HPSE2: variants seen among roughly 807,000 people sequenced by gnomAD.
HPSE2 encodes the protein heparanase 2 (inactive).
A neutral mutation model predicts 60.5 loss-of-function variants in HPSE2; 38 were observed. That is an observed-to-expected ratio of 0.63 (90% CI 0.48 to 0.82). The LOEUF (loss-of-function observed/expected upper bound fraction) is 0.82, where lower values mean the gene tolerates loss of function less well. HPSE2 is among the 40% of genes least tolerant of loss of function. The pLI is 0.00. For synonymous variants in HPSE2, 295 were observed against 293.2 expected (o/e 1.01, Z -0.06); for missense variants, 713 against 740.4 (o/e 0.96, Z 0.43).
intron 3 of HPSE2, among the ~76,000 whole-genome samples, chr10:98,866,949 T>C (rs1952602443): frequency 1.3e-5 from 2 of 151,644 alleles, no homozygotes; most frequent in African/African-American, 2.4e-5. Context: ...TAATATAGAG[T>C]ACTGGAAATG....
chr10:98,889,404 G>A (rs540360764), intron 3 of HPSE2, among the ~76,000 whole-genome samples: 3 of 142,114 alleles, frequency 2.1e-5, no homozygotes, highest in African/African-American at 5.3e-5. Flanking sequence ...ACAGAGTCTT[G>A]CCATTGTTGC....
chr10:99,137,465 G>A (rs1251622312), intron 3 of HPSE2, among the ~76,000 whole-genome samples: 1 of 152,188 alleles, frequency 6.6e-6, no homozygotes, highest in East Asian at 1.9e-4. Flanking sequence ...AACAAAGCTG[G>A]AGGCATCATG....
At chr10:98,900,517 G>T (rs909866201) in intron 3 of HPSE2, among the ~76,000 whole-genome samples, 11 of 152,046 alleles carry the variant, frequency 7.2e-5, no homozygotes, top group African/African-American at 2.4e-4. Context: ...TGTATGATAT[G>T]GATATACAGT....
intron 3 of HPSE2, among the ~76,000 whole-genome samples, chr10:98,776,854 T>C (rs185554546): frequency 9.9e-5 from 15 of 152,240 alleles, no homozygotes; most frequent in African/African-American, 3.4e-4. Context: ...AGTAATAGTA[T>C]TGTGATTATT....
chr10:99,154,525 T>A (rs1380733540), intron 2 of HPSE2, among the ~76,000 whole-genome samples: 3 of 145,746 alleles, frequency 2.1e-5, no homozygotes, highest in Non-Finnish European at 4.5e-5. Context: ...GAAGGAGAAA[T>A]AAAATACTTT....
intron 6 of HPSE2, among the ~76,000 whole-genome samples, chr10:98,661,831 T>G (rs1947231715): frequency 6.6e-6 from 1 of 152,220 alleles, no homozygotes; most frequent in East Asian, 1.9e-4. Context: ...ACTCTTACAC[T>G]ATGCAGCTGT....
chr10:99,170,215 G>C (rs1343538478), intron 2 of HPSE2, among the ~76,000 whole-genome samples: 3 of 152,156 alleles, frequency 2.0e-5, no homozygotes, highest in African/African-American at 4.8e-5. Context: ...CCTCCTGACT[G>C]CTAATGCTCT....
At chr10:98,740,461 C>A (rs902397100) in intron 4 of HPSE2, among the ~76,000 whole-genome samples, 2 of 152,122 alleles carry the variant, frequency 1.3e-5, no homozygotes, top group East Asian at 1.9e-4. Context: ...GTGTGAGCAA[C>A]CATGCCTGGC....
At chr10:98,956,557 C>A (rs1274124451) in intron 3 of HPSE2, among the ~76,000 whole-genome samples, 1 of 152,166 alleles carries the variant, frequency 6.6e-6, no homozygotes, top group Admixed American at 6.6e-5. Flanking sequence ...CTAGTGAATA[C>A]CCTTTCTCCC....
chr10:98,568,539 T>A (rs671247), intron 9 of HPSE2, among the ~76,000 whole-genome samples: 129,228 of 152,116 alleles, frequency 0.85, 56,155 homozygotes, highest in East Asian at 1. Flanking sequence ...GAGCAGTCTC[T>A]AGATTGTCCT....
rs983101070 is a variant in HPSE2 at position 98,626,171 on chromosome 10, C to T, written c.1099-5463G>A. ...AAAACAAGTAAGAAAATTACTTACC[C>T]AATTTTTGGTGAATCAGTGAGTGGC... On this transcript the variant is annotated intron_variant, in intron 7 of 11. Coordinates refer to ENST00000370552, the MANE Select transcript of HPSE2 (RefSeq NM_021828.5). Among the ~76,000 whole-genome samples the T allele has an allele frequency of 4.0e-5, 6 of 151,648 alleles. No individual in the cohort carries two copies. The East Asian group carries it at 5.8e-4, about 15-fold the overall frequency.
intron 4 of HPSE2, among the ~76,000 whole-genome samples, chr10:98,735,830 A>T (rs777475901): frequency 4.6e-5 from 7 of 152,178 alleles, no homozygotes; most frequent in Non-Finnish European, 1.0e-4. Context: ...TTATCTAGGA[A>T]GTAACTAACT....
At chr10:98,616,388 C>A (rs10786449) in intron 8 of HPSE2, among the ~76,000 whole-genome samples, 86,831 of 151,998 alleles carry the variant, frequency 0.57, 28,842 homozygotes, top group South Asian at 0.77. Flanking sequence ...GACTTGAAAT[C>A]TGTCTGGATA....
intron 3 of HPSE2, among the ~76,000 whole-genome samples, chr10:98,943,921 C>T: frequency 6.6e-6 from 1 of 152,124 alleles, no homozygotes; most frequent in East Asian, 1.9e-4. Flanking sequence ...ATTTTTTCCC[C>T]ATAGAAACTG....
chr10:98,476,794 A>T (rs1941041951), intron 11 of HPSE2, among the ~76,000 whole-genome samples: 1 of 152,146 alleles, frequency 6.6e-6, no homozygotes, highest in African/African-American at 2.4e-5. Flanking sequence ...TGTCTAAAAA[A>T]AAAGGGGCGG....
chr10:98,973,933 A>G (rs1371854584), intron 3 of HPSE2, among the ~76,000 whole-genome samples: 1 of 152,150 alleles, frequency 6.6e-6, no homozygotes, highest in Non-Finnish European at 1.5e-5. Flanking sequence ...TTACCAATAC[A>G]CCAACCACTT....
intron 3 of HPSE2, among the ~76,000 whole-genome samples, chr10:99,129,005 A>G (rs1213040335): frequency 6.6e-6 from 1 of 152,194 alleles, no homozygotes; most frequent in Admixed American, 6.6e-5. Flanking sequence ...AGCTACTCTT[A>G]TATCGGAAAA....
intron 3 of HPSE2, among the ~76,000 whole-genome samples, chr10:99,125,691 A>G (rs1449094971): frequency 2.0e-5 from 3 of 152,210 alleles, no homozygotes; most frequent in Non-Finnish European, 2.9e-5. Flanking sequence ...CACATCCCCA[A>G]TGGGGAATCT....
At chr10:98,925,254 T>C (rs894334213) in intron 3 of HPSE2, among the ~76,000 whole-genome samples, 1 of 152,224 alleles carries the variant, frequency 6.6e-6, no homozygotes, top group Non-Finnish European at 1.5e-5. Flanking sequence ...TGTGTACAGA[T>C]AGTTGTTAAG....
Sources: gnomAD v4.1 joint callset for allele counts (sites outside exome capture counted in the v4.1 genomes callset) on GRCh38, gnomAD v4.1.1 for gene constraint, MANE v1.5 for transcripts, NCBI Gene and HGNC (gene_info 2026-07-23, HGNC 2026-07-21) for gene names.